Variants in AATK observed in about 807,000 individuals in gnomAD.
AATK encodes serine/threonine-protein kinase LMTK1.
In AATK, 91 loss-of-function variants were observed where a neutral mutation model predicts 114.3. The observed-to-expected ratio is 0.80, with a 90% CI of 0.67 to 0.95. The LOEUF is 0.95. Ranked by LOEUF, AATK falls within the 40% of genes least tolerant of loss-of-function variation. The pLI is 0.00. For synonymous variants in AATK, 1,075 were observed against 916.5 expected (o/e 1.17, Z -3.12); for missense variants, 2,176 against 1,965.2 (o/e 1.11, Z -2.03).
intron 1 of AATK, among the ~76,000 whole-genome samples, chr17:81,135,106 G>A (rs1029601881): frequency 5.3e-5 from 8 of 152,196 alleles, no homozygotes; most frequent in African/African-American, 1.9e-4. Context: ...GGCCCCTCTG[G>A]TGCTGCTTCT....
intron 1 of AATK, among the ~76,000 whole-genome samples, chr17:81,147,030 C>G (rs9908119): frequency 0.013 from 1,921 of 150,276 alleles, 63 homozygotes; most frequent in African/African-American, 0.045. Flanking sequence ...ACGGAAAAAG[C>G]TATTTGCACA....
At chr17:81,129,653 G>A (rs980012422) in intron 3 of AATK, among the ~76,000 whole-genome samples, 6 of 152,110 alleles carry the variant, frequency 3.9e-5, no homozygotes, top group Non-Finnish European at 5.9e-5. Flanking sequence ...GCTCCTGTTC[G>A]CCAACCCCAG....
chr17:81,138,965 G>A (rs562388845), intron 1 of AATK, among the ~76,000 whole-genome samples: 73 of 148,510 alleles, frequency 4.9e-4, no homozygotes, highest in Non-Finnish European at 6.1e-4. Flanking sequence ...CCACACGTGC[G>A]CGCGCACCCA....
chr17:81,140,644 G>T (rs112899226), intron 1 of AATK, among the ~76,000 whole-genome samples: 1 of 118,202 alleles, frequency 8.5e-6, no homozygotes, highest in Non-Finnish European at 1.9e-5. Flanking sequence ...ATCAGAGACC[G>T]TGGGGCCGGG....
intron 13 of AATK, 69 bp from the exon 14 acceptor site, chr17:81,118,511 A>T (rs1258905332): frequency 4.6e-6 from 7 of 1,531,196 alleles, no homozygotes; most frequent in Non-Finnish European, 6.2e-6. Flanking sequence ...CGCAACTCCC[A>T]CCTGGCCTCC....
chr17:81,119,185 CAGGT>C (rs2060636890), intron 13 of AATK, among the ~76,000 whole-genome samples, 191 bp downstream of exon 13: 1 of 132,598 alleles, frequency 7.5e-6, no homozygotes, highest in Non-Finnish European at 1.7e-5. Flanking sequence ...AGGTGAGGGT[CAGGT>C]GAGGGCCAGG....
At chr17:81,140,737 GCCGGGAGA>G (rs2146357644) in intron 1 of AATK, among the ~76,000 whole-genome samples, 4 of 114,168 alleles carry the variant, frequency 3.5e-5, no homozygotes, top group South Asian at 6.4e-4. Flanking sequence ...GAGCCGTGGG[GCCGGGAGA>G]CCGTGGGGCC....
At chr17:81,155,826 C>CA (rs2061354854) in intron 1 of AATK, among the ~76,000 whole-genome samples, 1 of 152,108 alleles carries the variant, frequency 6.6e-6, no homozygotes, top group South Asian at 2.1e-4. Context: ...GCTGGGGCTA[C>CA]AGGTGTGTAC....
At chr17:81,158,139 C>A (rs2725415) in intron 1 of AATK, among the ~76,000 whole-genome samples, 5 of 152,128 alleles carry the variant, frequency 3.3e-5, no homozygotes, top group Non-Finnish European at 7.4e-5. Flanking sequence ...CTTGCAGGGC[C>A]GCCCGTCACA....
rs1567819824 is a variant in AATK at position 81,140,907 on chromosome 17, G to GGACCGTGAGCTGTGA, written c.56-6407_56-6406insTCACAGCTCACGGTC. Among the ~76,000 whole-genome samples the GGACCGTGAGCTGTGA allele has an allele frequency of 1.1e-3, 116 of 109,684 alleles. 7 individuals carry two copies. The highest frequency in any genetic ancestry group is 4.7e-3 in the South Asian group (14 of 2,968). The allele number at this position is 109,684 out of a possible 152,430, so 72.0% of individuals were successfully genotyped here. On this transcript the variant is annotated intron_variant, in intron 1 of 13. Coordinates refer to ENST00000326724, the MANE Select transcript of AATK (RefSeq NM_001080395.3). Reference sequence around the variant, plus strand: ...GGGGACCGTGAGCTGTGAGCCGTGGGGCCGTGGGGCCGTGGGACCGTGGGA... The same window carrying GGACCGTGAGCTGTGA: ...GGGGACCGTGAGCTGTGAGCCGTGGGGACCGTGAGCTGTGAGCCGTGGGGCCGTGGGACCGTGGGA...
intron 1 of AATK, among the ~76,000 whole-genome samples, chr17:81,152,105 T>A (rs1056909486): frequency 6.6e-6 from 1 of 151,930 alleles, no homozygotes; most frequent in Admixed American, 6.6e-5. Context: ...TGAAACCCCA[T>A]CTCTACTAAA....
intron 9 of AATK, among the ~76,000 whole-genome samples, chr17:81,123,974 A>G (rs1429223211): frequency 3.3e-5 from 5 of 151,902 alleles, no homozygotes; most frequent in African/African-American, 1.2e-4. Flanking sequence ...GTGACTGGAG[A>G]CCCCAGCCAG....
Position 81,126,200 on chromosome 17 carries a change from A to T in AATK, c.755+227T>A, listed in dbSNP as rs1049822357. Among the ~76,000 whole-genome samples, 6 of 152,214 alleles carry T rather than the reference A, an allele frequency of 3.9e-5. No individual in the cohort carries two copies. Among genetic ancestry groups the T allele is most frequent in the Non-Finnish European group, 5.9e-5 (4 of 68,014 alleles). On this transcript the variant is annotated intron_variant, in intron 7 of 13. Coordinates refer to ENST00000326724, the MANE Select transcript of AATK (RefSeq NM_001080395.3). The surrounding 1 kb of genome is among the most constrained non-coding windows in gnomAD (Gnocchi z 5.1). ...GGGACAGAGAACAGGCCAGCTTGAC[A>T]GTACGCATCTCTTCGTCTAAACCTG...
chr17:81,119,820 G>A (rs893938869), intron 12 of AATK, 116 bp downstream of exon 12: 372 of 1,344,510 alleles, frequency 2.8e-4, no homozygotes, highest in Admixed American at 6.6e-4. Flanking sequence ...CGCCTCCCAC[G>A]CGTCAAGGAC....
Position 81,127,804 on chromosome 17 carries a change from ACCT to A in AATK, c.518_520del (p.Glu173del). The A allele has an allele frequency of 6.6e-7, 1 of 1,519,728 alleles. No homozygotes were observed. The highest frequency in any genetic ancestry group is 8.9e-7 in the Non-Finnish European group (1 of 1,120,582). The allele number at this position is 1,519,728 out of a possible 1,614,324, so 94.1% of individuals were successfully genotyped here. A position where few individuals can be genotyped will look rare whatever the true frequency, so the allele number is the denominator to read the frequency against. On this transcript the variant is annotated inframe_deletion, in exon 5 of 14. Coordinates refer to ENST00000326724, the MANE Select transcript of AATK (RefSeq NM_001080395.3). ...GGTGGCCTCCCACCTGTAGGGCTGC[ACCT>A]CCTCCAGGAACTGCATCTGCTCCTG...
At chr17:81,146,779 C>A (rs1387964069) in intron 1 of AATK, among the ~76,000 whole-genome samples, 2 of 151,674 alleles carry the variant, frequency 1.3e-5, no homozygotes, top group Non-Finnish European at 2.9e-5. Context: ...CAGCCTTGAT[C>A]ATAAAGAAAT....
chr17:81,119,135 G>A (rs1357780819), intron 13 of AATK, among the ~76,000 whole-genome samples: 5 of 126,258 alleles, frequency 4.0e-5, no homozygotes, highest in African/African-American at 1.6e-4. Context: ...GGGGCCAGGT[G>A]AGGGCCAGGT....
In AATK at chr17:81,121,956, G is replaced by A. The variant is rs55881512; in HGVS notation, c.1980C>T (p.Gly660=). 140 of 1,599,684 alleles carry A rather than the reference G, an allele frequency of 8.8e-5. No individual in the cohort carries two copies. Among genetic ancestry groups the A allele is most frequent in the Middle Eastern group, 1.7e-4 (1 of 6,052 alleles). Residue 660 remains glycine (G), a synonymous_variant, in exon 11 of 14, where the codon GGC becomes GGT. Transcript: ENST00000326724. ...SSGAPPLPLT[G]EDELEEVGAR... ...CTCCCACCTCCTCTAGCTCATCCTC[G>A]CCAGTCAGCGGCAGCGGGGGCGCCC...
intron 1 of AATK, among the ~76,000 whole-genome samples, chr17:81,148,001 C>T (rs1312252633): frequency 6.7e-6 from 1 of 149,036 alleles, no homozygotes; most frequent in African/African-American, 2.5e-5. Flanking sequence ...TTCCTTCTAC[C>T]CTCAGTAAGG....
Sources: allele counts gnomAD v4.1 joint callset (sites outside exome capture counted in the v4.1 genomes callset), GRCh38; gene constraint gnomAD v4.1.1; non-coding constraint Gnocchi (gnomAD v3.1); transcripts MANE v1.5; gene names NCBI Gene and HGNC (gene_info 2026-07-23, HGNC 2026-07-21).